Variants in FMN2 observed in about 807,000 individuals in gnomAD.
The protein encoded by FMN2 is formin 2.
FMN2 carries 51 observed loss-of-function variants against 142.3 expected under a neutral mutation model. The observed-to-expected ratio is 0.36, with a 90% confidence interval of 0.29 to 0.45. The LOEUF is 0.45. Among genes scored for constraint, FMN2 ranks in the 20% least tolerant of loss-of-function variants. FMN2 has a pLI of 1.00. For synonymous variants in FMN2, 882 were observed against 869.8 expected (o/e 1.01, Z -0.25); for missense variants, 1,936 against 2,122.8 (o/e 0.91, Z 1.73).
At chr1:240,272,787 C>T (rs1437310880) in intron 7 of FMN2, among the ~76,000 whole-genome samples, 4 of 152,186 alleles carry the variant, frequency 2.6e-5, no homozygotes, top group Non-Finnish European at 5.9e-5. Flanking sequence ...GAAGCAATGA[C>T]ATTTCGTGCT....
intron 8 of FMN2, among the ~76,000 whole-genome samples, chr1:240,319,420 C>G (rs575255934): frequency 6.6e-6 from 1 of 152,176 alleles, no homozygotes; most frequent in Non-Finnish European, 1.5e-5. Context: ...GTCTGTCTGT[C>G]TTAGACACAC....
chr1:240,421,768 T>C (rs1674771390), intron 15 of FMN2, among the ~76,000 whole-genome samples: 1 of 152,114 alleles, frequency 6.6e-6, no homozygotes, highest in South Asian at 2.1e-4. Flanking sequence ...TATCTCATAT[T>C]TACACTCCTG....
At chr1:240,406,442 T>C (rs1314239008) in intron 15 of FMN2, among the ~76,000 whole-genome samples, 1 of 152,152 alleles carries the variant, frequency 6.6e-6, no homozygotes, top group Non-Finnish European at 1.5e-5. Flanking sequence ...CTAGTGCCTC[T>C]GTTAAGATCG....
Position 240,091,929 on chromosome 1 carries a change from A to T in FMN2, c.-181A>T. On this transcript the variant is annotated 5_prime_UTR_variant, in exon 1 of 18. The change abolishes an upstream ATG in the 5' untranslated region. Transcript: ENST00000319653. ...GCAGCCACGGGAGCCGCCGCGCATT[A>T]TGCAAAGCGGCGGCAGATGCGAGCG... is the stretch of plus-strand genomic sequence containing the variant. The T allele has an allele frequency of 1.9e-6, 2 of 1,075,572 alleles. No individual in the cohort carries two copies. Among genetic ancestry groups the T allele is most frequent in the Non-Finnish European group, 2.5e-6 (2 of 803,848 alleles). The allele number at this position is 1,075,572 out of a possible 1,614,324, so 66.6% of individuals were successfully genotyped here.
intron 15 of FMN2, among the ~76,000 whole-genome samples, chr1:240,434,915 A>G (rs901829459): frequency 1.3e-5 from 2 of 151,766 alleles, no homozygotes; most frequent in African/African-American, 4.8e-5. Context: ...CAGCTGAGAC[A>G]GCACTCGTGA....
chr1:240,159,974 TACACACACACAC>T (rs1185408892), intron 2 of FMN2, among the ~76,000 whole-genome samples: 1 of 134,084 alleles, frequency 7.5e-6, no homozygotes, highest in African/African-American at 2.8e-5. Flanking sequence ...TATATATATA[TACACACACACAC>T]ACACACACAC....
intron 8 of FMN2, among the ~76,000 whole-genome samples, chr1:240,301,980 C>T (rs1244631242): frequency 3.3e-5 from 5 of 152,024 alleles, no homozygotes; most frequent in African/African-American, 1.2e-4. Flanking sequence ...TTTCTCTCCT[C>T]TCTGGCTTAC....
chr1:240,389,590 G>T (rs1267954678), intron 14 of FMN2, among the ~76,000 whole-genome samples: 1 of 152,082 alleles, frequency 6.6e-6, no homozygotes, highest in Non-Finnish European at 1.5e-5. Context: ...GGTTTGGAAG[G>T]TTCACCCTCA....
chr1:240,144,158 C>T (rs991363704), intron 2 of FMN2: 2 of 1,393,820 alleles, frequency 1.4e-6, no homozygotes, highest in African/African-American at 1.4e-5. Context: ...CTGCACTCAA[C>T]ATTCCGTGGT....
chr1:240,388,067 A>G (rs1324617170), intron 14 of FMN2, among the ~76,000 whole-genome samples: 1 of 150,864 alleles, frequency 6.6e-6, no homozygotes, highest in East Asian at 2.0e-4. Flanking sequence ...AGTCCCAGCT[A>G]CTCAGGAGGC....
chr1:240,211,982 C>A (rs532072045), intron 6 of FMN2, among the ~76,000 whole-genome samples: 1 of 152,232 alleles, frequency 6.6e-6, no homozygotes, highest in East Asian at 1.9e-4. Flanking sequence ...CCGTCTTTAC[C>A]CTGAAATGGA....
At position 240,091,981 on chromosome 1, in the gene FMN2, C is replaced by T; in HGVS notation, c.-129C>T. ...GGCCAGCCGGGCGCGCGTCGGCCTC[C>T]CCTCCCAGCGGCTCCCCCCGCCGCC... On this transcript the variant is annotated 5_prime_UTR_variant, in exon 1 of 18. Transcript: ENST00000319653. 7.3e-7 allele frequency: 1 copy of T among 1,365,162 alleles called. No individual in the cohort carries two copies. The highest frequency in any genetic ancestry group is 9.4e-7 in the Non-Finnish European group (1 of 1,063,572). 84.6% of individuals were successfully genotyped at this position (1,365,162 alleles called of 1,614,324 possible). A position where few individuals can be genotyped will look rare whatever the true frequency, so the allele number is the denominator to read the frequency against.
intron 2 of FMN2, among the ~76,000 whole-genome samples, chr1:240,172,674 A>G (rs1412777915): frequency 6.6e-6 from 1 of 152,160 alleles, no homozygotes; most frequent in Non-Finnish European, 1.5e-5. Context: ...AGCAATGAAT[A>G]TATCTTAGGA....
chr1:240,248,858 A>G (rs964256543), intron 6 of FMN2, among the ~76,000 whole-genome samples: 2 of 151,970 alleles, frequency 1.3e-5, no homozygotes, highest in African/African-American at 2.4e-5. Flanking sequence ...GGCCATTCGT[A>G]TGTTGTCTTT....
chr1:240,343,154 A>C (rs1671798294), intron 13 of FMN2, among the ~76,000 whole-genome samples: 1 of 152,200 alleles, frequency 6.6e-6, no homozygotes, highest in Non-Finnish European at 1.5e-5. Context: ...TGGAATTCAC[A>C]ACCAGGGTGA....
intron 2 of FMN2, among the ~76,000 whole-genome samples, chr1:240,130,863 G>A (rs956517880): frequency 5.9e-5 from 9 of 151,754 alleles, no homozygotes; most frequent in African/African-American, 1.7e-4. Flanking sequence ...CAGGTTCTTC[G>A]TATTTAATTA....
chr1:240,352,911 A>G (rs538331788), intron 13 of FMN2, among the ~76,000 whole-genome samples: 3 of 152,250 alleles, frequency 2.0e-5, no homozygotes, highest in Admixed American at 6.5e-5. Context: ...CCCTTTCTAC[A>G]TTTCTGACAA....
At chr1:240,140,802 G>A (rs1663149466) in intron 2 of FMN2, among the ~76,000 whole-genome samples, 1 of 152,152 alleles carries the variant, frequency 6.6e-6, no homozygotes, top group African/African-American at 2.4e-5. Flanking sequence ...TCTGTACAGT[G>A]TACATACTTG....
intron 6 of FMN2, among the ~76,000 whole-genome samples, chr1:240,253,169 C>T (rs1220150070): frequency 3.3e-5 from 5 of 151,744 alleles, no homozygotes; most frequent in African/African-American, 1.2e-4. Context: ...TGGGGTTTTA[C>T]CATGTTGGCC....
Sources: allele counts gnomAD v4.1 joint callset (sites outside exome capture counted in the v4.1 genomes callset), GRCh38; gene constraint gnomAD v4.1.1; transcripts MANE v1.5; gene names NCBI Gene and HGNC (gene_info 2026-07-23, HGNC 2026-07-21).